The following ARHGAP40 variants were observed in gnomAD, a reference collection of about 807,000 sequenced individuals.
ARHGAP40 encodes the protein Rho GTPase activating protein 40.
ARHGAP40 carries 43 observed loss-of-function variants against 73.5 expected under a neutral mutation model. That is an observed-to-expected ratio of 0.58 (90% confidence interval 0.46 to 0.75). The LOEUF is 0.75. Ranked by LOEUF, ARHGAP40 falls within the 30% of genes least tolerant of loss-of-function variation. ARHGAP40 has a pLI of 0.00. For synonymous variants in ARHGAP40, 300 were observed against 352.8 expected, an observed-to-expected ratio of 0.85 and a Z score of 1.68; for missense variants, 734 against 861.8, an observed-to-expected ratio of 0.85 and a Z score of 1.86.
At chr20:38,648,152 G>C (rs79285184) in intron 13 of ARHGAP40, among the ~76,000 whole-genome samples, 5,259 of 152,300 alleles carry the variant, frequency 0.035, 88 homozygotes, top group South Asian at 0.062. Context: ...AAAGAGAAGG[G>C]ACTTGCCTTA....
chr20:38,649,480 G>A (rs112191926), intron 14 of ARHGAP40, among the ~76,000 whole-genome samples: 4,256 of 152,300 alleles, frequency 0.028, 73 homozygotes, highest in Non-Finnish European at 0.041. Flanking sequence ...TCACATCAGA[G>A]TTGTTGCATT....
intron 1 of ARHGAP40, among the ~76,000 whole-genome samples, chr20:38,616,208 A>G (rs993891573): frequency 1.3e-5 from 2 of 152,150 alleles, no homozygotes; most frequent in African/African-American, 2.4e-5. Flanking sequence ...CTTCACCCCA[A>G]GCTTCTCACC....
chr20:38,645,905 C>T (rs186398356), intron 11 of ARHGAP40, 142 bp from the exon 12 acceptor site: 17 of 786,554 alleles, frequency 2.2e-5, no homozygotes, highest in Middle Eastern at 3.0e-4. Flanking sequence ...CCAGTGCTTC[C>T]GTCCCGTGTC....
intron 14 of ARHGAP40, among the ~76,000 whole-genome samples, chr20:38,649,420 T>C (rs1331181312): frequency 6.6e-6 from 1 of 152,132 alleles, no homozygotes; most frequent in Non-Finnish European, 1.5e-5. Context: ...GCCAGGAGTG[T>C]TCGCATCCTG....
At chr20:38,612,647 G>T (rs745375801) in intron 1 of ARHGAP40, among the ~76,000 whole-genome samples, 1 of 152,030 alleles carries the variant, frequency 6.6e-6, no homozygotes, top group African/African-American at 2.4e-5. Context: ...TCCAACCTGG[G>T]CGAAAGAGTG....
chr20:38,617,311 C>A (rs2088847177), intron 1 of ARHGAP40, among the ~76,000 whole-genome samples: 2 of 152,230 alleles, frequency 1.3e-5, no homozygotes, highest in Admixed American at 1.3e-4. Flanking sequence ...TGGCTCTCAG[C>A]TTTACATGGG....
At chr20:38,604,464 C>T (rs1294609799) in intron 1 of ARHGAP40, among the ~76,000 whole-genome samples, 3 of 149,466 alleles carry the variant, frequency 2.0e-5, no homozygotes, top group Admixed American at 6.7e-5. Context: ...GGCACGATCT[C>T]GGCTCACTGC....
intron 1 of ARHGAP40, chr20:38,615,371 G>T: frequency 1.3e-6 from 1 of 750,404 alleles, no homozygotes; most frequent in East Asian, 2.5e-5. Flanking sequence ...AGGGTTAAAA[G>T]GCCCCAGGTA....
intron 7 of ARHGAP40, 135 bp downstream of exon 7, chr20:38,637,934 G>A: frequency 3.4e-6 from 2 of 580,778 alleles, no homozygotes; most frequent in South Asian, 4.2e-5. Context: ...TCAAATTCTG[G>A]CTCTGGCACT....
chr20:38,639,980 C>T (rs6026977), intron 9 of ARHGAP40, among the ~76,000 whole-genome samples: 22,786 of 152,110 alleles, frequency 0.15, 3,411 homozygotes, highest in African/African-American at 0.39. Flanking sequence ...CCAAAAAGCT[C>T]CAAGGCTCAG....
chr20:38,609,554 A>G (rs2088792451), intron 1 of ARHGAP40, among the ~76,000 whole-genome samples: 1 of 152,232 alleles, frequency 6.6e-6, no homozygotes, highest in Admixed American at 6.5e-5. Context: ...ACTAAAGGAG[A>G]AAACAAACAG....
chr20:38,635,810 A>G (rs764504253), intron 6 of ARHGAP40, among the ~76,000 whole-genome samples: 4 of 152,198 alleles, frequency 2.6e-5, no homozygotes, highest in African/African-American at 9.7e-5. Context: ...AGTGGTTGTC[A>G]TGATAATGCT....
chr20:38,621,467 A>G lies in ARHGAP40; in HGVS notation c.138-1892A>G, dbSNP rs1158880073. 3.3e-5 allele frequency among the ~76,000 whole-genome samples: 5 copies of G among 152,226 alleles called. No homozygotes were observed. The South Asian group carries it at 6.2e-4, about 19-fold the overall frequency. On this transcript the variant is annotated intron_variant, in intron 1 of 14. Coordinates refer to ENST00000373345, the Ensembl canonical transcript of ARHGAP40. ...GCATCCAGCTCCTCAGCAAAGAGCTATCAAATGCTTAGCATGCATGGGACT... is the reference window on the plus strand; with the variant it reads ...GCATCCAGCTCCTCAGCAAAGAGCTGTCAAATGCTTAGCATGCATGGGACT...
intron 10 of ARHGAP40, 68 bp downstream of exon 10, chr20:38,641,876 G>A (rs1418758275): frequency 1.4e-5 from 16 of 1,136,014 alleles, no homozygotes; most frequent in African/African-American, 1.7e-5. Context: ...GGCTTCAAAT[G>A]TGCTCATTCA....
chr20:38,636,851 G>GT, intron 6 of ARHGAP40, among the ~76,000 whole-genome samples: 1 of 152,134 alleles, frequency 6.6e-6, no homozygotes, highest in East Asian at 1.9e-4. Context: ...TTTTGGTTTG[G>GT]TTTTTTGGTT....
intron 3 of ARHGAP40, among the ~76,000 whole-genome samples, chr20:38,627,600 CGTTGGTGTGTGTGT>C (rs1198348342): frequency 7.5e-6 from 1 of 133,106 alleles, no homozygotes; most frequent in East Asian, 2.5e-4. Flanking sequence ...TTGGGGTGTG[CGTTGGTGTGTGTGT>C]GTTGGTGTGT....
At chr20:38,633,064 A>G (rs1418561424) in intron 5 of ARHGAP40, among the ~76,000 whole-genome samples, 1 of 151,970 alleles carries the variant, frequency 6.6e-6, no homozygotes, top group Non-Finnish European at 1.5e-5. Context: ...CAGAGATTGT[A>G]GTGAGCAGAG....
chr20:38,639,673 G>C (rs547034858), intron 9 of ARHGAP40, among the ~76,000 whole-genome samples: 43 of 152,378 alleles, frequency 2.8e-4, no homozygotes, highest in African/African-American at 1.0e-3. Flanking sequence ...TCACATGGAT[G>C]AGTGGACTAG....
intron 1 of ARHGAP40, among the ~76,000 whole-genome samples, chr20:38,607,315 T>C (rs772274629): frequency 2.0e-5 from 3 of 152,190 alleles, no homozygotes; most frequent in Non-Finnish European, 4.4e-5. Flanking sequence ...GCCATTCAGA[T>C]AGTGGCTGCC....
Sources: allele counts gnomAD v4.1 joint callset (sites outside exome capture counted in the v4.1 genomes callset), GRCh38; gene constraint gnomAD v4.1.1; transcripts MANE v1.5; gene names NCBI Gene and HGNC (gene_info 2026-07-23, HGNC 2026-07-21).